Variants in TRRAP observed in about 807,000 individuals in gnomAD.
TRRAP encodes transformation/transcription domain associated protein.
TRRAP carries 41 observed loss-of-function variants against 438.8 expected under a neutral mutation model. The observed-to-expected ratio is 0.09, with a 90% CI of 0.07 to 0.12. TRRAP has a LOEUF of 0.12. Among genes scored for constraint, TRRAP ranks in the 10% least tolerant of loss-of-function variants. TRRAP has a pLI of 1.00. For missense variants in TRRAP, 3,122 were observed against 5,055.1 expected, an observed-to-expected ratio of 0.62 and a Z score of 11.60; for synonymous variants, 1,994 against 1,962.9, an observed-to-expected ratio of 1.02 and a Z score of -0.42.
Position 98,958,188 on chromosome 7 carries a change from A to C in TRRAP, c.6342+97A>C. ...ATCTGTGGCAATTTCATCAAAAAAGATACAGACAAACCAAGGTCTGCCAGC... is the reference window on the plus strand; with the variant it reads ...ATCTGTGGCAATTTCATCAAAAAAGCTACAGACAAACCAAGGTCTGCCAGC... On this transcript the variant is annotated intron_variant, in intron 44 of 72. Coordinates refer to ENST00000456197, the MANE Select transcript of TRRAP (RefSeq NM_001375524.1). 3.8e-6 allele frequency: 4 copies of C among 1,059,604 alleles called. 1 individual carries two copies. The South Asian group carries it at 6.6e-5, about 17-fold the overall frequency. The allele number at this position is 1,059,604 out of a possible 1,614,324, so 65.6% of individuals were successfully genotyped here.
chr7:99,006,645 G>A (rs1794174929), intron 69 of TRRAP, among the ~76,000 whole-genome samples: 1 of 152,178 alleles, frequency 6.6e-6, no homozygotes, highest in Non-Finnish European at 1.5e-5. Flanking sequence ...AATCATCTGT[G>A]TGCACTTCAC....
intron 20 of TRRAP, among the ~76,000 whole-genome samples, chr7:98,920,840 C>A (rs1431296436): frequency 4.6e-5 from 7 of 152,094 alleles, no homozygotes; most frequent in Non-Finnish European, 1.0e-4. Context: ...TGCTCCTCCC[C>A]ACCCATTTTT....
At chr7:98,959,266 G>A (rs1299675750) in intron 44 of TRRAP, 78 bp from the exon 45 acceptor site, 8 of 1,575,008 alleles carry the variant, frequency 5.1e-6, no homozygotes, top group Non-Finnish European at 5.2e-6. Flanking sequence ...CCAGGGCACA[G>A]TTGAGACGTG....
intron 59 of TRRAP, among the ~76,000 whole-genome samples, chr7:98,982,814 G>A (rs1792991477): frequency 6.6e-6 from 1 of 152,200 alleles, no homozygotes; most frequent in Non-Finnish European, 1.5e-5. Flanking sequence ...CACGTTTGCA[G>A]GTGCTTAGTG....
At chr7:98,885,277 G>T (rs1477015247) in intron 3 of TRRAP, among the ~76,000 whole-genome samples, 4 of 151,650 alleles carry the variant, frequency 2.6e-5, no homozygotes, top group Non-Finnish European at 5.9e-5. Flanking sequence ...TAGAGACAGG[G>T]TCTTGCTATG....
Position 98,981,688 on chromosome 7 carries a change from A to C in TRRAP, c.8635-81A>C. The C allele has an allele frequency of 8.3e-6, 12 of 1,448,432 alleles. No individual in the cohort carries two copies. In the South Asian group the frequency reaches 1.2e-4, roughly 15 times the overall value. 89.7% of individuals were successfully genotyped at this position (1,448,432 alleles called of 1,614,324 possible). On this transcript the variant is annotated intron_variant, in intron 58 of 72. Transcript: ENST00000456197. ...CCTTGCATACCTAGTGACCAAAAAA[A>C]GTGATCTTTTTCCTGTTTGACACTT...
rs1562986489 is a variant in TRRAP, at chr7:99,012,370, G to GCCAC, written c.*18_*21dup. On this transcript the variant is annotated 3_prime_UTR_variant, in exon 73 of 73. Transcript: ENST00000456197. This position sits in a 1 kb window ranked among gnomAD's most constrained non-coding sequence, Gnocchi z 5.9. Reference sequence around the variant, plus strand: ...CCTGGCTGTGACTGTGGCCGCCACGGCCACCCGGAATGTGAAGGGCGCTCC... The same window carrying GCCAC: ...CCTGGCTGTGACTGTGGCCGCCACGGCCACCCACCCGGAATGTGAAGGGCGCTCC... 6.3e-7 allele frequency: 1 copy of GCCAC among 1,579,470 alleles called. No individual in the cohort carries two copies. The highest frequency in any genetic ancestry group is 8.6e-7 in the Non-Finnish European group (1 of 1,161,384).
intron 40 of TRRAP, among the ~76,000 whole-genome samples, chr7:98,954,818 G>A (rs1033716361): frequency 1.3e-5 from 2 of 152,192 alleles, no homozygotes; most frequent in East Asian, 1.9e-4. Context: ...CTGGTTAGGC[G>A]GGACATGGGA....
At chr7:98,933,506 G>C in intron 27 of TRRAP, 104 bp downstream of exon 27, 2 of 1,458,310 alleles carry the variant, frequency 1.4e-6, no homozygotes, top group Non-Finnish European at 1.8e-6. Flanking sequence ...AGAAGGCTCG[G>C]GCGGGGACCT....
At chr7:98,954,562 G>C (rs1317236173) in intron 40 of TRRAP, among the ~76,000 whole-genome samples, 2 of 152,172 alleles carry the variant, frequency 1.3e-5, no homozygotes, top group Non-Finnish European at 2.9e-5. Flanking sequence ...CGAGAACTCT[G>C]TGACCTTCTC....
chr7:98,879,069 C>T (rs1795299176), intron 1 of TRRAP, among the ~76,000 whole-genome samples: 1 of 152,164 alleles, frequency 6.6e-6, no homozygotes, highest in Admixed American at 6.5e-5. Flanking sequence ...AGGCCCGGCG[C>T]GGGGAGCGAA....
rs533401467 is a variant in TRRAP, at chr7:98,999,894, C to T, written c.10310-4296C>T. The stretch of plus-strand genomic sequence containing the variant: ...CTTAAATACTCGCCAGGGCCAGCAG[C>T]TCACCTCCTGAGCTTCTCAGTCTTC... On this transcript the variant is annotated intron_variant, in intron 67 of 72. Coordinates refer to ENST00000456197, the MANE Select transcript of TRRAP (RefSeq NM_001375524.1). 6.7e-4 allele frequency: 258 copies of T among 383,288 alleles called. 4 individuals are homozygous for T. The highest frequency in any genetic ancestry group is 2.0e-4 in the Admixed American group (5 of 25,614). The allele number at this position is 383,288 out of a possible 1,614,324, so 23.7% of individuals were successfully genotyped here.
intron 70 of TRRAP, 41 bp downstream of exon 70, chr7:99,008,602 A>T: frequency 6.2e-7 from 1 of 1,603,854 alleles, no homozygotes; most frequent in Non-Finnish European, 8.5e-7. Context: ...TGCCGCCTGC[A>T]GCCCTCCTGT....
intron 4 of TRRAP, among the ~76,000 whole-genome samples, chr7:98,891,235 G>A (rs1274335570): frequency 7.6e-4 from 92 of 120,454 alleles, no homozygotes; most frequent in African/African-American, 2.7e-3. Context: ...TTTGGGAGAC[G>A]GAGTCTCGCT....
At position 98,990,579 on chromosome 7, in the gene TRRAP, T is replaced by C; in HGVS notation, c.9716T>C (p.Val3239Ala). 1 of 1,614,144 alleles carries C rather than the reference T, an allele frequency of 6.2e-7. No homozygotes were observed. Among genetic ancestry groups the C allele is most frequent in the South Asian group, 1.1e-5 (1 of 91,090 alleles). The stretch of plus-strand genomic sequence containing the variant: ...ATCCCACAGCTGCTCACCTGCCTGG[T>C]TGGCTCGGAGGGAAAGCTGCTCTTG... ...AWIPQLLTCL[V>A]GSEGKLLLNL... The change falls in exon 64 of 73, where the codon GTT (valine) becomes GCT (alanine). Residue 3239 changes from valine (V) to alanine (A), a missense_variant. Around this residue, in one of 24 missense-constraint regions of TRRAP, gnomAD observed 52 missense variants for 88.3 expected, o/e 0.59. Coordinates refer to ENST00000456197, the MANE Select transcript of TRRAP (RefSeq NM_001375524.1).
At position 98,983,561 on chromosome 7, in the gene TRRAP, T is replaced by A. The variant is rs1052859435; in HGVS notation, c.9022+102T>A. 1.9e-5 allele frequency: 26 copies of A among 1,382,602 alleles called. No homozygotes were observed. The Middle Eastern group carries it at 6.2e-4, about 33-fold the overall frequency. The allele number at this position is 1,382,602 out of a possible 1,614,324, so 85.6% of individuals were successfully genotyped here. A position where few individuals can be genotyped will look rare whatever the true frequency, so the allele number is the denominator to read the frequency against. ...TTTGGTTTGGTTTGGTTTGGTTTTT[T>A]TTTCCCCCAGGTTTTCTATTTTGGG... On this transcript the variant is annotated intron_variant, in intron 60 of 72. Coordinates refer to ENST00000456197, the MANE Select transcript of TRRAP (RefSeq NM_001375524.1).
intron 46 of TRRAP, among the ~76,000 whole-genome samples, chr7:98,961,789 C>T (rs891076481): frequency 2.6e-5 from 4 of 152,032 alleles, no homozygotes; most frequent in Non-Finnish European, 1.5e-5. Flanking sequence ...TGTGGTGGCA[C>T]GCACCTGTAA....
chr7:98,949,358 TCTAA>T, intron 35 of TRRAP, 55 bp from the exon 36 acceptor site: 3 of 1,438,202 alleles, frequency 2.1e-6, no homozygotes, highest in African/African-American at 1.4e-5. Context: ...ATTCATATCC[TCTAA>T]CTTTCTGTGA....
chr7:99,010,579 A>G (rs736624), intron 70 of TRRAP, among the ~76,000 whole-genome samples: 5,754 of 152,218 alleles, frequency 0.038, 351 homozygotes, highest in African/African-American at 0.13. Context: ...GCAGTAGTCT[A>G]TGAGTCTCTA....
Sources: gnomAD v4.1 joint callset for allele counts (sites outside exome capture counted in the v4.1 genomes callset) on GRCh38, gnomAD v4.1.1 for gene constraint, gnomAD v4.1.1 regional missense constraint, Gnocchi (gnomAD v3.1) non-coding constraint, MANE v1.5 for transcripts, NCBI Gene and HGNC (gene_info 2026-07-23, HGNC 2026-07-21) for gene names.